Variants in MED16 observed in about 807,000 individuals in gnomAD.
The protein encoded by MED16 is mediator of RNA polymerase II transcription subunit 16.
In MED16, 81 loss-of-function variants were observed where a neutral mutation model predicts 84.4. The ratio of observed to expected loss-of-function variants is 0.96; its 90% CI spans 0.80 to 1.15. The LOEUF is 1.15. MED16 is among the 50% of genes most tolerant of loss of function. The probability of loss-of-function intolerance (pLI) is 0.00; values close to 1 mark genes in which losing one functional copy is unlikely to be tolerated. For missense variants in MED16, 1,585 were observed against 1,245.9 expected (o/e 1.27, Z -4.10); for synonymous variants, 897 against 552.2 (o/e 1.62, Z -8.76).
At chr19:874,609 C>T (rs1850643627) in intron 10 of MED16, among the ~76,000 whole-genome samples, 2 of 152,134 alleles carry the variant, frequency 1.3e-5, no homozygotes, top group South Asian at 2.1e-4. Flanking sequence ...TGCCGGGTGT[C>T]GGCCTGGGAG....
intron 6 of MED16, among the ~76,000 whole-genome samples, chr19:882,373 G>A (rs1413006199): frequency 6.8e-6 from 1 of 147,246 alleles, no homozygotes; most frequent in Non-Finnish European, 1.5e-5. Flanking sequence ...CATTAGCTGT[G>A]TGTGGTGGTG....
At chr19:890,537 T>G in intron 2 of MED16, 1 of 377,566 alleles carries the variant, frequency 2.6e-6, no homozygotes, top group East Asian at 4.6e-5. Flanking sequence ...TGCACCCCGA[T>G]TTGATTCCAA....
At chr19:876,910 C>A in intron 9 of MED16, 64 bp downstream of exon 9, 4 of 1,420,272 alleles carry the variant, frequency 2.8e-6, no homozygotes, top group Non-Finnish European at 3.8e-6. Context: ...CCACCTGCCA[C>A]GGGGCCCCCA....
At chr19:871,584 A>G in intron 12 of MED16, 1 of 1,595,786 alleles carries the variant, frequency 6.3e-7, no homozygotes, top group Non-Finnish European at 8.5e-7. Flanking sequence ...CAACCCGACA[A>G]GGAGAGACAG....
At chr19:881,778 G>A (rs1023446418) in intron 6 of MED16, 64 bp from the exon 7 acceptor site, 14 of 1,562,324 alleles carry the variant, frequency 9.0e-6, no homozygotes, top group East Asian at 2.3e-5. Context: ...GACAGCCGCA[G>A]GAGTCCAGCA....
chr19:892,910 GCCCCGCGCCCCGCGCCCCGCGCCCCGCGC>G, intron 1 of MED16, 147 bp downstream of exon 1: 1 of 129,282 alleles, frequency 7.7e-6, no homozygotes, highest in South Asian at 2.2e-4. Context: ...CGCGCCCCGC[GCCCCGCGCCCCGCGCCCCGCGCCCCGCGC>G]CCCAGGCCGC....
At chr19:871,517 G>T (rs745438612) in intron 12 of MED16, 1 of 1,550,724 alleles carries the variant, frequency 6.4e-7, no homozygotes, top group Non-Finnish European at 8.7e-7. Flanking sequence ...GAAGCACTGT[G>T]CCTTTTCCAG....
At chr19:873,240 GTAGGGGTGGGACTCCAAC>G (rs1158365243) in intron 11 of MED16, among the ~76,000 whole-genome samples, 191 bp downstream of exon 11, 4 of 144,150 alleles carry the variant, frequency 2.8e-5, no homozygotes, top group East Asian at 4.2e-4. Flanking sequence ...GGGACTCCAA[GTAGGGGTGGGACTCCAAC>G]CAGGGGCGGG....
In MED16 at chr19:884,978, T is replaced by C; in HGVS notation, c.910A>G (p.Ser304Gly). The stretch of plus-strand genomic sequence containing the variant: ...CGCAGGGACCAGCACTCCACGATGC[T>C]GCTGGTCTGGCTGGACGCGCACAAA... Reference protein sequence around the residue: ...VLLCASSQTSSIVECWSLRKE... With the variant: ...VLLCASSQTSGIVECWSLRKE... Residue 304 changes from serine (S) to glycine (G), a missense_variant, in exon 6 of 16, where the codon AGC becomes GGC. Coordinates refer to ENST00000325464, the MANE Select transcript of MED16 (RefSeq NM_005481.3). 1 of 1,607,480 alleles carries C rather than the reference T, an allele frequency of 6.2e-7. No individual in the cohort carries two copies. Among genetic ancestry groups the C allele is most frequent in the Non-Finnish European group, 8.5e-7 (1 of 1,178,788 alleles).
At chr19:880,309 C>G (rs963616397) in intron 7 of MED16, among the ~76,000 whole-genome samples, 161 bp from the exon 8 acceptor site, 1 of 152,260 alleles carries the variant, frequency 6.6e-6, no homozygotes, top group Non-Finnish European at 1.5e-5. Flanking sequence ...GCCACTCTTT[C>G]TTTAGTTACA....
At chr19:885,680 A>C in intron 5 of MED16, 90 bp downstream of exon 5, 1 of 1,438,472 alleles carries the variant, frequency 7.0e-7, no homozygotes, top group Non-Finnish European at 9.4e-7. Flanking sequence ...TAGCCCGTGG[A>C]GGCCCGCGCG....
At chr19:881,070 C>T (rs1003246986) in intron 7 of MED16, among the ~76,000 whole-genome samples, 2 of 151,730 alleles carry the variant, frequency 1.3e-5, no homozygotes, top group African/African-American at 4.9e-5. Context: ...AATGCTCTTT[C>T]CAGGGAACCA....
At position 871,094 on chromosome 19, in the gene MED16, C is replaced by A. The variant is rs1200635176; in HGVS notation, c.2258G>T (p.Gly753Val). 3.9e-6 allele frequency: 6 copies of A among 1,548,238 alleles called. No individual in the cohort carries two copies. Among genetic ancestry groups the A allele is most frequent in the Non-Finnish European group, 5.2e-6 (6 of 1,145,792 alleles). The change falls in exon 13 of 16, where the codon GGC becomes GTC. Residue 753 changes from glycine to valine, a missense_variant. Transcript: ENST00000325464. ...ACTGCCAGGCAGCGTGGGCGCCCGGCCAAACTGCAGACGAAGGGGCTGCTT... is the reference window on the plus strand; with the variant it reads ...ACTGCCAGGCAGCGTGGGCGCCCGGACAAACTGCAGACGAAGGGGCTGCTT... ...QPKQPLRLQF[G>V]RAPTLPGSAA...
At chr19:872,153 C>T (rs2036090379) in intron 11 of MED16, 35 bp from the exon 12 acceptor site, 5 of 1,537,562 alleles carry the variant, frequency 3.3e-6, no homozygotes, top group African/African-American at 1.4e-5. Context: ...GCTGGGGCGG[C>T]GGGGGGCAGA....
chr19:889,776 C>A lies in MED16; in HGVS notation c.309G>T (p.Gly103=), dbSNP rs1422162694. The A allele has an allele frequency of 6.2e-7, 1 of 1,612,918 alleles. No homozygotes were observed. The highest frequency in any genetic ancestry group is 1.7e-5 in the Admixed American group (1 of 59,954). Residue 103 remains glycine, a synonymous_variant, in exon 4 of 16, where the codon GGG becomes GGT. Coordinates refer to ENST00000325464, the MANE Select transcript of MED16 (RefSeq NM_005481.3). ...CCGCCATGCTCCAGCACTTGATCTGCCCGTCGGCATCTGCTGACAGGAGCC... is the reference window on the plus strand; with the variant it reads ...CCGCCATGCTCCAGCACTTGATCTGACCGTCGGCATCTGCTGACAGGAGCC... ...GSRLLSADAD[G]QIKCWSMADH... is the part of the protein sequence containing the mutation.
chr19:875,442 G>C lies in MED16; in HGVS notation c.1573C>G (p.Arg525Gly), dbSNP rs376368245. Residue 525 changes from arginine (R) to glycine (G), a missense_variant, in exon 10 of 16, where the codon CGG (arginine) becomes GGG (glycine). Physicochemically the swap from Arg to Gly is moderately radical, Grantham distance 125. Transcript: ENST00000325464. ...TAALQQVLST[R>G]ILAMKASLCK... is the part of the protein sequence containing the mutation. ...AGCGAGGCCTTCATGGCCAGGATCC[G>C]GGTGGAGAGGACCTGAGGGCAGGAA... 6.2e-7 allele frequency: 1 copy of C among 1,601,776 alleles called. No individual in the cohort carries two copies. Among genetic ancestry groups the C allele is most frequent in the Non-Finnish European group, 8.5e-7 (1 of 1,179,420 alleles).
intron 4 of MED16, among the ~76,000 whole-genome samples, chr19:887,395 C>T (rs761493983): frequency 2.3e-4 from 35 of 152,100 alleles, no homozygotes; most frequent in Non-Finnish European, 4.4e-4. Flanking sequence ...TGGCCGGACG[C>T]GGTGGCTCAC....
At chr19:871,391 G>A (rs1475475701) in intron 12 of MED16, 138 bp from the exon 13 acceptor site, 2 of 1,305,290 alleles carry the variant, frequency 1.5e-6, no homozygotes, top group Admixed American at 2.4e-5. Flanking sequence ...GGTGACCCCG[G>A]GGTTCTCTCA....
intron 7 of MED16, among the ~76,000 whole-genome samples, chr19:881,075 G>A (rs1406842317): frequency 1.3e-5 from 2 of 151,694 alleles, no homozygotes; most frequent in African/African-American, 2.4e-5. Context: ...TCTTTCCAGG[G>A]AACCAGGGAA....
Sources: gnomAD v4.1 joint callset for allele counts (sites outside exome capture counted in the v4.1 genomes callset) on GRCh38, gnomAD v4.1.1 for gene constraint, MANE v1.5 for transcripts, NCBI Gene and HGNC (gene_info 2026-07-23, HGNC 2026-07-21) for gene names.